INSL6: variants seen among roughly 807,000 people sequenced by gnomAD.
INSL6 encodes the protein insulin-like peptide INSL6.
In INSL6, 16 loss-of-function variants were observed where a neutral mutation model predicts 9.4. The observed-to-expected ratio is 1.70, with a 90% CI of 1.15 to 2.59. The LOEUF (loss-of-function observed/expected upper bound fraction) is 2.59. Among genes scored for constraint, INSL6 ranks in the 30% most tolerant of loss-of-function variants. The probability of loss-of-function intolerance (pLI) is 0.00; values close to 1 mark genes in which losing one functional copy is unlikely to be tolerated. For missense variants in INSL6, 391 were observed against 257.3 expected (o/e 1.52, Z -3.56); for synonymous variants, 154 against 96.9 (o/e 1.59, Z -3.46).
the INSL6 span, chr9:5,080,591 CA>C: frequency 6.2e-7 from 1 of 1,606,838 alleles, no homozygotes; most frequent in Non-Finnish European, 8.5e-7. Context: ...GCAGAATTAG[CA>C]AACCTTATAA....
chr9:5,152,722 AAAG>A (rs1824734894), intron 2 of INSL6, among the ~76,000 whole-genome samples: 1 of 152,228 alleles, frequency 6.6e-6, no homozygotes, highest in Non-Finnish European at 1.5e-5. Flanking sequence ...AGTAAAGGCA[AAAG>A]GTGATGATCT....
intron 1 of INSL6, among the ~76,000 whole-genome samples, chr9:5,168,564 G>A (rs925859234): frequency 1.3e-5 from 2 of 151,988 alleles, no homozygotes; most frequent in Non-Finnish European, 2.9e-5. Flanking sequence ...TAAAACCTCC[G>A]AGAACTATGG....
chr9:5,050,886 T>A, the INSL6 span: 1 of 1,435,842 alleles, frequency 7.0e-7, no homozygotes, highest in Non-Finnish European at 9.7e-7. Context: ...TTTTATATAA[T>A]TCGTATATAT....
At chr9:5,004,615 T>TCA in the INSL6 span, among the ~76,000 whole-genome samples, 1 of 152,158 alleles carries the variant, frequency 6.6e-6, no homozygotes, top group Non-Finnish European at 1.5e-5. Flanking sequence ...TAGATATTGC[T>TCA]TTGACATATT....
chr9:5,047,363 A>C, the INSL6 span, among the ~76,000 whole-genome samples: 2 of 152,260 alleles, frequency 1.3e-5, no homozygotes, highest in Non-Finnish European at 2.9e-5. Context: ...TGGAAAAGGT[A>C]AGCAAATAAA....
intron 2 of INSL6, among the ~76,000 whole-genome samples, chr9:5,138,638 G>A (rs1480478641): frequency 6.6e-6 from 1 of 151,990 alleles, no homozygotes; most frequent in Non-Finnish European, 1.5e-5. Flanking sequence ...TAGATGACAG[G>A]TTGATGGGTG....
At chr9:5,158,555 C>T (rs1434944970) in intron 2 of INSL6, among the ~76,000 whole-genome samples, 2 of 152,044 alleles carry the variant, frequency 1.3e-5, no homozygotes, top group African/African-American at 2.4e-5. Context: ...GAAAACCTTA[C>T]AGGCCAGGAG....
At chr9:5,136,894 C>T (rs1164135610) in intron 2 of INSL6, among the ~76,000 whole-genome samples, 1 of 152,058 alleles carries the variant, frequency 6.6e-6, no homozygotes, top group African/African-American at 2.4e-5. Context: ...CCCAAAATCT[C>T]CTTAAGCTGA....
At chr9:5,175,285 T>C (rs1825273480) in intron 1 of INSL6, among the ~76,000 whole-genome samples, 1 of 152,148 alleles carries the variant, frequency 6.6e-6, no homozygotes, top group Admixed American at 6.5e-5. Flanking sequence ...ACATCAAATA[T>C]GGCCCGTGTA....
the INSL6 span, chr9:5,081,685 A>T: frequency 2.1e-6 from 3 of 1,449,838 alleles, no homozygotes. Context: ...AGAGAATGTT[A>T]TTTGCTAATT....
intron 1 of INSL6, among the ~76,000 whole-genome samples, chr9:5,182,005 T>G (rs1010784234): frequency 2.0e-5 from 3 of 152,200 alleles, no homozygotes; most frequent in Non-Finnish European, 2.9e-5. Flanking sequence ...AAGAGCAATC[T>G]GATACTCCTC....
At chr9:5,114,311 C>A in the INSL6 span, 2 of 542,830 alleles carry the variant, frequency 3.7e-6, no homozygotes, top group East Asian at 4.5e-5. Flanking sequence ...GGTCCCAGGC[C>A]AGTGGGAAGT....
chr9:4,997,980 A>C, the INSL6 span, among the ~76,000 whole-genome samples: 1,830 of 152,264 alleles, frequency 0.012, 17 homozygotes, highest in Non-Finnish European at 0.02. Context: ...GGAATATCTG[A>C]AATATTCAGT....
At chr9:5,074,878 C>T in the INSL6 span, among the ~76,000 whole-genome samples, 1 of 152,204 alleles carries the variant, frequency 6.6e-6, no homozygotes, top group Non-Finnish European at 1.5e-5. Flanking sequence ...AAGCTGAAAG[C>T]TAGGCCTCTT....
chr9:5,129,469 T>G (rs916472696), intron 3 of INSL6, among the ~76,000 whole-genome samples: 1 of 152,138 alleles, frequency 6.6e-6, no homozygotes, highest in Non-Finnish European at 1.5e-5. Context: ...ACTGAAATTA[T>G]TTCTCATGAA....
At chr9:5,096,142 A>T in the INSL6 span, among the ~76,000 whole-genome samples, 1 of 152,152 alleles carries the variant, frequency 6.6e-6, no homozygotes, top group East Asian at 1.9e-4. Flanking sequence ...AATATTCCCC[A>T]CATCCAATAA....
the INSL6 span, among the ~76,000 whole-genome samples, chr9:5,006,209 C>T: frequency 6.6e-6 from 1 of 152,136 alleles, no homozygotes. Flanking sequence ...AGGTCCTTCA[C>T]ATCCCTTGTA....
chr9:5,160,273 A>C (rs1223729350), downstream of INSL6, among the ~76,000 whole-genome samples: 1 of 152,100 alleles, frequency 6.6e-6, no homozygotes, highest in Non-Finnish European at 1.5e-5. Context: ...CCACAATAAA[A>C]CTAGAAAGCA....
chr9:5,159,202 TA>T (rs2130901536), downstream of INSL6, among the ~76,000 whole-genome samples: 1 of 151,970 alleles, frequency 6.6e-6, no homozygotes, highest in Non-Finnish European at 1.5e-5. Context: ...TCACCTTCCC[TA>T]AAAGGAAGAC....
Sources: gnomAD v4.1 joint callset for allele counts (sites outside exome capture counted in the v4.1 genomes callset) on GRCh38, gnomAD v4.1.1 for gene constraint, MANE v1.5 for transcripts, NCBI Gene and HGNC (gene_info 2026-07-23, HGNC 2026-07-21) for gene names.